Variants in FAM168A observed in about 807,000 individuals in gnomAD.
The protein encoded by FAM168A is protein FAM168A.
FAM168A carries 3 observed loss-of-function variants against 28.5 expected under a neutral mutation model. The ratio of observed to expected loss-of-function variants is 0.11; its 90% CI spans 0.05 to 0.27. The LOEUF is 0.27. FAM168A is among the 10% of genes least tolerant of loss of function. The pLI is 1.00. For synonymous variants in FAM168A, 122 were observed against 124.2 expected, an observed-to-expected ratio of 0.98 and a Z score of 0.12; for missense variants, 222 against 311.5, an observed-to-expected ratio of 0.71 and a Z score of 2.16.
At chr11:73,478,600 T>C (rs1332892874) in intron 1 of FAM168A, among the ~76,000 whole-genome samples, 2 of 152,246 alleles carry the variant, frequency 1.3e-5, no homozygotes, top group Admixed American at 6.5e-5. Context: ...ACATTTATCA[T>C]ATCTAAATTA....
intron 1 of FAM168A, among the ~76,000 whole-genome samples, chr11:73,471,029 C>T (rs762520268): frequency 4.6e-5 from 7 of 152,128 alleles, no homozygotes; most frequent in Non-Finnish European, 1.0e-4. Flanking sequence ...CCATCAATTC[C>T]AATCTCAATT....
chr11:73,572,434 AG>A (rs1395279807), intron 1 of FAM168A, among the ~76,000 whole-genome samples: 1 of 152,120 alleles, frequency 6.6e-6, no homozygotes, highest in African/African-American at 2.4e-5. Flanking sequence ...GGAATAGAAA[AG>A]GGGGAAAGGT....
chr11:73,545,035 T>TA, intron 1 of FAM168A, among the ~76,000 whole-genome samples: 1 of 96,510 alleles, frequency 1.0e-5, no homozygotes, highest in African/African-American at 4.6e-5. Flanking sequence ...ATAATATATA[T>TA]ATATTTTTTG....
intron 1 of FAM168A, among the ~76,000 whole-genome samples, chr11:73,476,816 G>A (rs945374132): frequency 6.6e-6 from 1 of 152,062 alleles, no homozygotes; most frequent in South Asian, 2.1e-4. Flanking sequence ...ATTCAAGAGA[G>A]GCTCAGAAGC....
At chr11:73,545,148 C>T (rs1159995570) in intron 1 of FAM168A, among the ~76,000 whole-genome samples, 1 of 146,496 alleles carries the variant, frequency 6.8e-6, no homozygotes, top group African/African-American at 2.6e-5. Context: ...GCCTCAGCCT[C>T]CTGAGTAGCT....
At chr11:73,525,606 T>A (rs1565283651) in intron 1 of FAM168A, among the ~76,000 whole-genome samples, 1 of 152,206 alleles carries the variant, frequency 6.6e-6, no homozygotes, top group East Asian at 1.9e-4. Flanking sequence ...CCTCCTCTTT[T>A]CACAGCTCTA....
At chr11:73,561,018 C>T (rs182840429) in intron 1 of FAM168A, among the ~76,000 whole-genome samples, 9 of 147,684 alleles carry the variant, frequency 6.1e-5, no homozygotes, top group African/African-American at 1.3e-4. Context: ...GCCAAGATTG[C>T]GCCACTGCAC....
At chr11:73,489,281 G>A (rs1363713782) in intron 1 of FAM168A, among the ~76,000 whole-genome samples, 1 of 152,084 alleles carries the variant, frequency 6.6e-6, no homozygotes, top group African/African-American at 2.4e-5. Flanking sequence ...ATTCTAGAAA[G>A]AGCTGTTTTA....
intron 2 of FAM168A, among the ~76,000 whole-genome samples, chr11:73,445,216 G>A (rs1186200839): frequency 6.7e-6 from 1 of 149,326 alleles, no homozygotes; most frequent in African/African-American, 2.5e-5. Context: ...CCAAGATGGC[G>A]ACATTGCACT....
chr11:73,479,489 A>G (rs747181120), intron 1 of FAM168A, among the ~76,000 whole-genome samples: 8 of 152,204 alleles, frequency 5.3e-5, no homozygotes, highest in Non-Finnish European at 1.0e-4. Flanking sequence ...GAAAACATTC[A>G]GAAAATATCA....
rs1168974652 is a variant in FAM168A at position 73,540,062 on chromosome 11, A to G, written c.-19+57861T>C. Among the ~76,000 whole-genome samples the G allele has an allele frequency of 6.6e-5, 10 of 152,222 alleles. No individual in the cohort carries two copies. In the East Asian group the frequency reaches 1.9e-3, roughly 29 times the overall value. On this transcript the variant is annotated intron_variant, in intron 1 of 7. Transcript: ENST00000356467. ...CAAGCTGCTATTTTTGTACCTACTC[A>G]TCAACTTCTAAATCATTTTCTTTTT...
intron 1 of FAM168A, among the ~76,000 whole-genome samples, chr11:73,472,295 A>G (rs1274598528): frequency 1.3e-5 from 2 of 152,234 alleles, no homozygotes; most frequent in Non-Finnish European, 2.9e-5. Context: ...GGAGCAAGCC[A>G]TGGAGATCTC....
intron 1 of FAM168A, among the ~76,000 whole-genome samples, chr11:73,479,548 G>A (rs1245185173): frequency 6.6e-6 from 1 of 152,056 alleles, no homozygotes; most frequent in Non-Finnish European, 1.5e-5. Flanking sequence ...AACACAGCAG[G>A]GATTTTATTC....
At chr11:73,464,408 C>T (rs1867700632) in intron 2 of FAM168A, among the ~76,000 whole-genome samples, 1 of 151,588 alleles carries the variant, frequency 6.6e-6, no homozygotes, top group Non-Finnish European at 1.5e-5. Context: ...AGCCTTCTAA[C>T]CTTGAGAGTT....
intron 3 of FAM168A, among the ~76,000 whole-genome samples, chr11:73,428,470 A>G (rs1011182066): frequency 6.6e-6 from 1 of 152,194 alleles, no homozygotes; most frequent in African/African-American, 2.4e-5. Flanking sequence ...AATGCTTCCA[A>G]TGAGGCCACT....
At chr11:73,548,998 G>C (rs1943793703) in intron 1 of FAM168A, among the ~76,000 whole-genome samples, 1 of 152,054 alleles carries the variant, frequency 6.6e-6, no homozygotes, top group African/African-American at 2.4e-5. Flanking sequence ...CTGGAGTGCA[G>C]TGGCACAATC....
At chr11:73,555,699 T>G (rs1308769205) in intron 1 of FAM168A, among the ~76,000 whole-genome samples, 1 of 150,006 alleles carries the variant, frequency 6.7e-6, no homozygotes, top group African/African-American at 2.5e-5. Flanking sequence ...CAGAGTAAGA[T>G]TCCATCTCAA....
intron 1 of FAM168A, among the ~76,000 whole-genome samples, chr11:73,504,875 G>A (rs1368624855): frequency 6.6e-6 from 1 of 152,100 alleles, no homozygotes; most frequent in Non-Finnish European, 1.5e-5. Context: ...GAACCTGGGA[G>A]ACATCATCCT....
Position 73,516,099 on chromosome 11 carries a change from TTAA to T in FAM168A, c.-18-47610_-18-47608del, listed in dbSNP as rs1189088734. Among the ~76,000 whole-genome samples the T allele has an allele frequency of 3.8e-3, 459 of 121,478 alleles. 2 individuals are homozygous for T. The highest frequency in any genetic ancestry group is 5.5e-3 in the Non-Finnish European group (312 of 56,962). 79.7% of individuals were successfully genotyped at this position (121,478 alleles called of 152,430 possible). Reference sequence around the variant, plus strand: ...CTGGTGACAGACTGAGACTCTGCCTTTAAAAAAAAAAAAAAAAAGAATCAGAAT... The same window carrying T: ...CTGGTGACAGACTGAGACTCTGCCTTAAAAAAAAAAAAAAAGAATCAGAAT... On this transcript the variant is annotated intron_variant, in intron 1 of 7. Coordinates refer to ENST00000356467, the MANE Select transcript of FAM168A (RefSeq NM_015159.3).
Sources: allele counts gnomAD v4.1 joint callset (sites outside exome capture counted in the v4.1 genomes callset), GRCh38; gene constraint gnomAD v4.1.1; transcripts MANE v1.5; gene names NCBI Gene and HGNC (gene_info 2026-07-23, HGNC 2026-07-21).